CADM1: variants seen among roughly 807,000 people sequenced by gnomAD.
CADM1 encodes the protein TSLC-1.
A neutral mutation model predicts 53.1 loss-of-function variants in CADM1; 15 were observed. The ratio of observed to expected loss-of-function variants is 0.28; its 90% CI spans 0.19 to 0.44. The LOEUF is 0.44. Among genes scored for constraint, CADM1 ranks in the 20% least tolerant of loss-of-function variants. CADM1 has a pLI of 1.00. For missense variants in CADM1, 434 were observed against 611.3 expected (o/e 0.71, Z 3.06); for synonymous variants, 281 against 243.0 (o/e 1.16, Z -1.45).
At chr11:115,284,087 A>ACACT (rs1555055854) in intron 1 of CADM1, among the ~76,000 whole-genome samples, 1 of 47,592 alleles carries the variant, frequency 2.1e-5, no homozygotes, top group African/African-American at 1.0e-4. Flanking sequence ...AAGCCCAGAC[A>ACACT]CTCTCTCTCT....
At chr11:115,492,067 C>T (rs996152063) in intron 1 of CADM1, among the ~76,000 whole-genome samples, 2 of 152,088 alleles carry the variant, frequency 1.3e-5, no homozygotes, top group Non-Finnish European at 2.9e-5. Context: ...GCACGTTGTG[C>T]ACATGTACCC....
At chr11:115,503,047 G>A (rs1949764890) in intron 1 of CADM1, among the ~76,000 whole-genome samples, 1 of 152,130 alleles carries the variant, frequency 6.6e-6, no homozygotes, top group African/African-American at 2.4e-5. Context: ...ATCGCCGCTC[G>A]CACCCCGCGG....
intron 1 of CADM1, among the ~76,000 whole-genome samples, chr11:115,342,996 C>T (rs562654559): frequency 6.6e-6 from 1 of 152,210 alleles, no homozygotes; most frequent in South Asian, 2.1e-4. Flanking sequence ...TGAAGAGATA[C>T]AAGGGGTTAT....
rs1941111357 is a variant in CADM1, at chr11:115,214,855, G to T, written c.822-75C>A. Reference sequence around the variant, plus strand: ...ATCAAACTGCTCACCCACATGCAGGGTGACACAATTAATGAGGACCTACTG... The same window carrying T: ...ATCAAACTGCTCACCCACATGCAGGTTGACACAATTAATGAGGACCTACTG... On this transcript the variant is annotated intron_variant, in intron 6 of 11. Transcript: ENST00000331581. 2.2e-6 allele frequency: 3 copies of T among 1,377,710 alleles called. No homozygotes were observed. The East Asian group carries it at 6.9e-5, about 31-fold the overall frequency. The allele number at this position is 1,377,710 out of a possible 1,614,324, so 85.3% of individuals were successfully genotyped here. A position where few individuals can be genotyped will look rare whatever the true frequency, so the allele number is the denominator to read the frequency against.
chr11:115,183,275 G>A (rs982929532), intron 10 of CADM1, among the ~76,000 whole-genome samples: 1 of 152,196 alleles, frequency 6.6e-6, no homozygotes, highest in African/African-American at 2.4e-5. Context: ...CAGCACTCTG[G>A]CAGCCATGCT....
intron 1 of CADM1, chr11:115,377,621 T>C (rs1212657187): frequency 6.6e-6 from 1 of 152,218 alleles, no homozygotes; most frequent in Non-Finnish European, 1.5e-5. Context: ...TCATTCAAAA[T>C]GGGCAACAGT....
chr11:115,476,827 C>G (rs1261316298), intron 1 of CADM1, among the ~76,000 whole-genome samples: 1 of 152,124 alleles, frequency 6.6e-6, no homozygotes, highest in Non-Finnish European at 1.5e-5. Context: ...AGCCATGGGG[C>G]ACACATAATA....
chr11:115,206,417 G>A (rs1047935420), intron 8 of CADM1, among the ~76,000 whole-genome samples: 1 of 152,152 alleles, frequency 6.6e-6, no homozygotes, highest in African/African-American at 2.4e-5. Context: ...GTATGATTCT[G>A]GGTGGGCAAA....
At chr11:115,214,476 G>C (rs186577157) in intron 7 of CADM1, 132 bp downstream of exon 7, 1 of 846,318 alleles carries the variant, frequency 1.2e-6, no homozygotes, top group Non-Finnish European at 2.0e-6. Context: ...CTCAGGCCAG[G>C]CTTCTTTAAG....
chr11:115,334,451 T>A (rs1364058868), intron 1 of CADM1, among the ~76,000 whole-genome samples: 1 of 145,744 alleles, frequency 6.9e-6, no homozygotes, highest in African/African-American at 2.6e-5. Context: ...TAAAAATTGA[T>A]GAGTACAGTA....
intron 1 of CADM1, among the ~76,000 whole-genome samples, chr11:115,493,497 G>A (rs1289120107): frequency 1.3e-5 from 2 of 152,158 alleles, no homozygotes; most frequent in South Asian, 2.1e-4. Flanking sequence ...AAAGAAGACA[G>A]AGGGCTCTTC....
chr11:115,390,211 C>T (rs907659276), intron 1 of CADM1, among the ~76,000 whole-genome samples: 5 of 152,154 alleles, frequency 3.3e-5, no homozygotes, highest in Non-Finnish European at 2.9e-5. Flanking sequence ...TCACTGATTT[C>T]AAGCTATTAA....
rs1166406882 is a variant in CADM1 at position 115,173,953 on chromosome 11, A to G, written c.*2521T>C. On this transcript the variant is annotated 3_prime_UTR_variant, in exon 12 of 12. Coordinates refer to ENST00000331581, the MANE Select transcript of CADM1 (RefSeq NM_001301043.2). Reference sequence around the variant, plus strand: ...ACTCTAAAAAAAGTGATCAACCTGTACAAAGTAATACTCAACAATACATTT... The same window carrying G: ...ACTCTAAAAAAAGTGATCAACCTGTGCAAAGTAATACTCAACAATACATTT... 2 of 967,338 alleles carry G rather than the reference A, an allele frequency of 2.1e-6. No homozygotes were observed. The highest frequency in any genetic ancestry group is 3.5e-5 in the African/African-American group (2 of 56,882). 59.9% of individuals were successfully genotyped at this position (967,338 alleles called of 1,614,324 possible). A position where few individuals can be genotyped will look rare whatever the true frequency, so the allele number is the denominator to read the frequency against.
intron 1 of CADM1, among the ~76,000 whole-genome samples, chr11:115,474,160 G>C (rs991061637): frequency 2.0e-5 from 3 of 151,360 alleles, no homozygotes; most frequent in African/African-American, 7.3e-5. Flanking sequence ...GCGTGGTGGT[G>C]GGCGCCTGTA....
chr11:115,315,675 A>C (rs1944646776), intron 1 of CADM1, among the ~76,000 whole-genome samples: 1 of 152,040 alleles, frequency 6.6e-6, no homozygotes, highest in Non-Finnish European at 1.5e-5. Flanking sequence ...AGCCAAAAAA[A>C]AAAAAAATGG....
intron 1 of CADM1, among the ~76,000 whole-genome samples, chr11:115,426,292 T>C (rs566934213): frequency 2.0e-5 from 3 of 152,222 alleles, no homozygotes; most frequent in South Asian, 4.2e-4. Context: ...AAGAAACTAA[T>C]TACAATTAGT....
intron 1 of CADM1, among the ~76,000 whole-genome samples, chr11:115,459,157 AG>A (rs1188124221): frequency 6.6e-6 from 1 of 152,186 alleles, no homozygotes; most frequent in Admixed American, 6.5e-5. Context: ...ATGAATGGAA[AG>A]GAGTGTTATT....
At chr11:115,232,028 C>T (rs554134383) in intron 3 of CADM1, among the ~76,000 whole-genome samples, 1 of 152,008 alleles carries the variant, frequency 6.6e-6, no homozygotes, top group East Asian at 1.9e-4. Flanking sequence ...ACAACAACAA[C>T]AACAACCAAT....
At chr11:115,294,391 A>G (rs7104872) in intron 1 of CADM1, among the ~76,000 whole-genome samples, 26,587 of 151,672 alleles carry the variant, frequency 0.18, 2,505 homozygotes, top group African/African-American at 0.2. Context: ...TACTGAAACT[A>G]CTCTCTTGAA....
Sources: allele counts gnomAD v4.1 joint callset (sites outside exome capture counted in the v4.1 genomes callset), GRCh38; gene constraint gnomAD v4.1.1; transcripts MANE v1.5; gene names NCBI Gene and HGNC (gene_info 2026-07-23, HGNC 2026-07-21).